Variants in CNTNAP5 observed in about 807,000 individuals in gnomAD.
The protein encoded by CNTNAP5 is contactin associated protein family member 5.
Under a neutral mutation model 150.2 loss-of-function variants are expected in CNTNAP5, and 72 were observed. That is an observed-to-expected ratio of 0.48 (90% CI 0.40 to 0.58). CNTNAP5 has a LOEUF of 0.58. Among genes scored for constraint, CNTNAP5 ranks in the 20% least tolerant of loss-of-function variants. CNTNAP5 has a pLI of 0.00. For missense variants in CNTNAP5, 1,636 were observed against 1,626.2 expected, an observed-to-expected ratio of 1.01 and a Z score of -0.10; for synonymous variants, 672 against 619.8, an observed-to-expected ratio of 1.08 and a Z score of -1.25.
intron 3 of CNTNAP5, among the ~76,000 whole-genome samples, chr2:124,304,617 G>A (rs1160614057): frequency 6.6e-6 from 1 of 152,040 alleles, no homozygotes. Flanking sequence ...TAACATTCTG[G>A]CTACAATGTT....
At chr2:124,331,543 A>G (rs1400346169) in intron 3 of CNTNAP5, among the ~76,000 whole-genome samples, 3 of 151,752 alleles carry the variant, frequency 2.0e-5, no homozygotes, top group Non-Finnish European at 4.4e-5. Context: ...TCCAAAACTC[A>G]GTTTGAGGTC....
intron 13 of CNTNAP5, among the ~76,000 whole-genome samples, chr2:124,730,616 T>A (rs1430478717): frequency 6.6e-6 from 1 of 152,134 alleles, no homozygotes; most frequent in Non-Finnish European, 1.5e-5. Flanking sequence ...TATTTTGATT[T>A]CATCTGTTTT....
At chr2:124,338,780 C>T (rs927690118) in intron 3 of CNTNAP5, among the ~76,000 whole-genome samples, 11 of 152,184 alleles carry the variant, frequency 7.2e-5, no homozygotes, top group Non-Finnish European at 1.6e-4. Context: ...CTGAGACCTT[C>T]CTGTTCCCTT....
At chr2:124,285,056 G>A (rs775292786) in intron 3 of CNTNAP5, among the ~76,000 whole-genome samples, 3 of 152,106 alleles carry the variant, frequency 2.0e-5, no homozygotes, top group Non-Finnish European at 2.9e-5. Flanking sequence ...TACAGTTTGT[G>A]AATTTGAAAC....
intron 3 of CNTNAP5, among the ~76,000 whole-genome samples, chr2:124,248,796 A>G (rs1174735463): frequency 6.6e-6 from 1 of 152,170 alleles, no homozygotes; most frequent in African/African-American, 2.4e-5. Context: ...TAATATTCAT[A>G]TGGACACGTT....
intron 1 of CNTNAP5, among the ~76,000 whole-genome samples, chr2:124,076,319 A>C (rs1200076026): frequency 6.6e-6 from 1 of 152,170 alleles, no homozygotes; most frequent in Non-Finnish European, 1.5e-5. Context: ...CTAATGACAG[A>C]GTCTCCAGCT....
intron 13 of CNTNAP5, among the ~76,000 whole-genome samples, chr2:124,728,075 T>C (rs546792953): frequency 1.6e-4 from 25 of 152,110 alleles, no homozygotes; most frequent in South Asian, 1.2e-3. Context: ...AAGGTTTTCA[T>C]TCTTATTCTG....
intron 8 of CNTNAP5, among the ~76,000 whole-genome samples, chr2:124,510,301 C>CTATATATATATCTATA (rs1694538596): frequency 1.9e-5 from 2 of 106,054 alleles, no homozygotes; most frequent in African/African-American, 7.6e-5. Flanking sequence ...ATCTATATAT[C>CTATATATATATCTATA]TATATATATA....
chr2:124,638,312 G>A (rs1358930444), intron 12 of CNTNAP5, among the ~76,000 whole-genome samples: 1 of 151,542 alleles, frequency 6.6e-6, no homozygotes, highest in Non-Finnish European at 1.5e-5. Context: ...TCTGCAGTAT[G>A]CACACAATCA....
At chr2:124,720,027 T>C (rs961548612) in intron 13 of CNTNAP5, among the ~76,000 whole-genome samples, 1 of 152,282 alleles carries the variant, frequency 6.6e-6, no homozygotes, top group South Asian at 2.1e-4. Flanking sequence ...AGAATTGAAC[T>C]AAGAATTAGG....
At chr2:124,771,980 T>TCATCATCACCACCACCAC (rs1304588547) in intron 16 of CNTNAP5, among the ~76,000 whole-genome samples, 1 of 145,684 alleles carries the variant, frequency 6.9e-6, no homozygotes, top group Non-Finnish European at 1.5e-5. Flanking sequence ...ACCACCACCA[T>TCATCATCACCACCACCAC]CATCATCACC....
At chr2:124,758,207 A>T (rs1009114247) in intron 14 of CNTNAP5, among the ~76,000 whole-genome samples, 5 of 152,096 alleles carry the variant, frequency 3.3e-5, no homozygotes, top group Non-Finnish European at 7.4e-5. Flanking sequence ...TTGTTAATTA[A>T]GAGTGAGGGA....
rs185014208 is a variant in CNTNAP5 at position 124,722,169 on chromosome 2, C to T, written c.2078-25060C>T. 2.7e-3 allele frequency among the ~76,000 whole-genome samples: 413 copies of T among 152,236 alleles called. 2 individuals are homozygous for T. Among genetic ancestry groups the T allele is most frequent in the African/African-American group, 9.4e-3 (391 of 41,548 alleles). ...GGGAAGAACACAATTCAGTTCATAACATTCTGCTCTTTGGACCCCTCAAAT... is the reference window on the plus strand; with the variant it reads ...GGGAAGAACACAATTCAGTTCATAATATTCTGCTCTTTGGACCCCTCAAAT... On this transcript the variant is annotated intron_variant, in intron 13 of 23. Transcript: ENST00000682447.
intron 13 of CNTNAP5, among the ~76,000 whole-genome samples, chr2:124,706,607 C>G (rs1446511935): frequency 6.6e-6 from 1 of 151,634 alleles, no homozygotes; most frequent in Non-Finnish European, 1.5e-5. Context: ...ATTAGCGGCT[C>G]ATGGTGGTAC....
intron 1 of CNTNAP5, among the ~76,000 whole-genome samples, chr2:124,047,249 G>C (rs146858397): frequency 6.6e-6 from 1 of 152,196 alleles, no homozygotes; most frequent in Non-Finnish European, 1.5e-5. Flanking sequence ...GGCACCGAAG[G>C]GTAGTCACAT....
At chr2:124,466,916 G>A (rs1042695013) in intron 6 of CNTNAP5, among the ~76,000 whole-genome samples, 4 of 152,026 alleles carry the variant, frequency 2.6e-5, no homozygotes, top group Non-Finnish European at 2.9e-5. Flanking sequence ...CAGCATCCTC[G>A]GAAATGAAAT....
intron 1 of CNTNAP5, among the ~76,000 whole-genome samples, chr2:124,030,907 A>G (rs1317981239): frequency 6.6e-6 from 1 of 152,142 alleles, no homozygotes; most frequent in Non-Finnish European, 1.5e-5. Context: ...CAGACCAACA[A>G]GTATTAATTA....
intron 17 of CNTNAP5, among the ~76,000 whole-genome samples, chr2:124,786,222 C>A (rs1681565445): frequency 6.6e-6 from 1 of 150,910 alleles, no homozygotes; most frequent in Non-Finnish European, 1.5e-5. Flanking sequence ...ATGATCACAC[C>A]ACCGCACTCC....
chr2:124,644,907 C>CAT (rs533695552), intron 12 of CNTNAP5, among the ~76,000 whole-genome samples: 1 of 38,930 alleles, frequency 2.6e-5, no homozygotes, highest in African/African-American at 5.8e-5. Context: ...CACACACATA[C>CAT]ACACACACAC....
Sources: allele counts gnomAD v4.1 joint callset (sites outside exome capture counted in the v4.1 genomes callset), GRCh38; gene constraint gnomAD v4.1.1; transcripts MANE v1.5; gene names NCBI Gene and HGNC (gene_info 2026-07-23, HGNC 2026-07-21).